Variants in ROBO2 observed in about 807,000 individuals in gnomAD.
The protein encoded by ROBO2 is roundabout guidance receptor 2.
Under a neutral mutation model 160.8 loss-of-function variants are expected in ROBO2, and 53 were observed. The ratio of observed to expected loss-of-function variants is 0.33; its 90% CI spans 0.26 to 0.41. ROBO2 has a LOEUF of 0.41. Ranked by LOEUF, ROBO2 falls within the 10% of genes least tolerant of loss-of-function variation. ROBO2 has a pLI of 1.00. For missense variants in ROBO2, 1,577 were observed against 1,722.4 expected, an observed-to-expected ratio of 0.92 and a Z score of 1.49; for synonymous variants, 664 against 611.7, an observed-to-expected ratio of 1.09 and a Z score of -1.26.
rs1305437563 is a variant in ROBO2, at chr3:76,487,154, T to C, written c.109+549552T>C. ...CTGGCTAATTTTTTAATTTAATTTTTTTTTTTTGTAGAGACAGTGTCTCTC... is the reference window on the plus strand; with the variant it reads ...CTGGCTAATTTTTTAATTTAATTTTCTTTTTTTGTAGAGACAGTGTCTCTC... On this transcript the variant is annotated intron_variant, in intron 2 of 26. Transcript: ENST00000487694. Among the ~76,000 whole-genome samples the C allele has an allele frequency of 2.0e-5, 3 of 151,698 alleles. No individual in the cohort carries two copies. The South Asian group carries it at 6.3e-4, about 32-fold the overall frequency.
intron 1 of ROBO2, among the ~76,000 whole-genome samples, chr3:77,089,639 A>C (rs2069850765): frequency 6.6e-6 from 1 of 152,204 alleles, no homozygotes; most frequent in African/African-American, 2.4e-5. Flanking sequence ...TAATCTTATA[A>C]ATTTATTTAG....
In ROBO2 at chr3:77,491,485, A is replaced by G. The variant is rs181626089; in HGVS notation, c.668-1759A>G. Among the ~76,000 whole-genome samples, 22 of 152,304 alleles carry G rather than the reference A, an allele frequency of 1.4e-4. No individual in the cohort carries two copies. In the East Asian group the frequency reaches 4.3e-3, roughly 29 times the overall value. On this transcript the variant is annotated intron_variant, in intron 4 of 25. Transcript: ENST00000461745. The stretch of plus-strand genomic sequence containing the variant: ...TTTACTATTAGCATTTGGGACCCTC[A>G]TAAGGATATATTAATCCTATTGCCT...
intron 2 of ROBO2, among the ~76,000 whole-genome samples, chr3:76,406,997 G>GT (rs62802963): frequency 0.28 from 34,986 of 123,176 alleles, 4,868 homozygotes; most frequent in East Asian, 0.41. Context: ...ACCCTGAGTT[G>GT]TTTTTTTTTT....
intron 2 of ROBO2, among the ~76,000 whole-genome samples, chr3:76,359,654 G>A (rs2075387534): frequency 6.6e-6 from 1 of 151,844 alleles, no homozygotes; most frequent in Non-Finnish European, 1.5e-5. Context: ...TATCTTTCCT[G>A]TAATTCACTA....
intron 24 of ROBO2, among the ~76,000 whole-genome samples, chr3:77,641,624 A>C (rs981832392): frequency 3.3e-5 from 5 of 152,156 alleles, no homozygotes; most frequent in Non-Finnish European, 4.4e-5. Context: ...TTTATGAAAA[A>C]ATAATATAAT....
chr3:76,970,976 G>A (rs936861225), intron 2 of ROBO2, among the ~76,000 whole-genome samples: 3 of 152,164 alleles, frequency 2.0e-5, no homozygotes, highest in African/African-American at 7.2e-5. Flanking sequence ...AAGGAGCTTC[G>A]ATTAATATTA....
chr3:76,105,165 A>G (rs1027099112), intron 2 of ROBO2, among the ~76,000 whole-genome samples: 3 of 151,370 alleles, frequency 2.0e-5, no homozygotes, highest in African/African-American at 7.3e-5. Context: ...TGAAAAATCA[A>G]TTTTTTCAGC....
chr3:76,909,736 A>T (rs965837378), intron 2 of ROBO2, among the ~76,000 whole-genome samples: 3 of 152,164 alleles, frequency 2.0e-5, no homozygotes, highest in African/African-American at 7.2e-5. Flanking sequence ...ATAATTCTAG[A>T]TTGTTAAAAT....
At chr3:76,427,033 A>G (rs904756698) in intron 2 of ROBO2, among the ~76,000 whole-genome samples, 4 of 152,172 alleles carry the variant, frequency 2.6e-5, no homozygotes, top group African/African-American at 9.7e-5. Context: ...TGCCGTGCTA[A>G]CATATATTTT....
intron 19 of ROBO2, among the ~76,000 whole-genome samples, chr3:77,598,240 C>T (rs2094350627): frequency 6.6e-6 from 1 of 151,806 alleles, no homozygotes; most frequent in South Asian, 2.1e-4. Context: ...AGCATGTTCT[C>T]TTTAAGAATG....
intron 2 of ROBO2, among the ~76,000 whole-genome samples, chr3:76,282,301 A>C (rs879273813): frequency 1.3e-4 from 20 of 151,990 alleles, no homozygotes; most frequent in Non-Finnish European, 2.6e-4. Context: ...TGCTGTATAA[A>C]GTGTCAATCA....
chr3:76,708,686 G>T (rs1476690687), intron 2 of ROBO2, among the ~76,000 whole-genome samples: 1 of 152,166 alleles, frequency 6.6e-6, no homozygotes, highest in Non-Finnish European at 1.5e-5. Context: ...TGGGTAGACA[G>T]ATCTCCTGAA....
intron 2 of ROBO2, among the ~76,000 whole-genome samples, chr3:76,023,770 G>T (rs1323379391): frequency 3.3e-5 from 5 of 151,542 alleles, no homozygotes; most frequent in African/African-American, 1.2e-4. Context: ...GTGATCACAT[G>T]CTGTTGGAAA....
chr3:76,273,070 T>C lies in ROBO2; in HGVS notation c.109+335468T>C, dbSNP rs191893147. Among the ~76,000 whole-genome samples the C allele has an allele frequency of 2.4e-3, 254 of 105,638 alleles. 5 individuals are homozygous for C. The Admixed American group carries it at 0.029, about 12-fold the overall frequency. 69.3% of individuals were successfully genotyped at this position (105,638 alleles called of 152,430 possible). A position where few individuals can be genotyped will look rare whatever the true frequency, so the allele number is the denominator to read the frequency against. On this transcript the variant is annotated intron_variant, in intron 2 of 26. Coordinates refer to the ROBO2 transcript ENST00000487694. ...ATTATATAAATATATAAAAAATATATATAAATATAATATATATAAAATACA... is the reference window on the plus strand; with the variant it reads ...ATTATATAAATATATAAAAAATATACATAAATATAATATATATAAAATACA...
chr3:76,656,202 A>C (rs1839051), intron 2 of ROBO2, among the ~76,000 whole-genome samples: 127,248 of 151,804 alleles, frequency 0.84, 53,707 homozygotes, highest in African/African-American at 0.93. Context: ...CTCATTGACA[A>C]ATGACTGATG....
intron 2 of ROBO2, among the ~76,000 whole-genome samples, chr3:77,101,802 G>A (rs944988077): frequency 2.0e-5 from 3 of 152,168 alleles, no homozygotes; most frequent in East Asian, 3.9e-4. Flanking sequence ...CACTTTGGGA[G>A]GCCCAGGTGG....
chr3:75,924,687 T>TTTC (rs1553701799), intron 1 of ROBO2, among the ~76,000 whole-genome samples: 2 of 113,754 alleles, frequency 1.8e-5, no homozygotes, highest in African/African-American at 6.8e-5. Context: ...TTTTCTTTTT[T>TTTC]TTTTTTTTTT....
intron 2 of ROBO2, among the ~76,000 whole-genome samples, chr3:76,139,631 C>A (rs1447112450): frequency 3.9e-5 from 6 of 151,976 alleles, no homozygotes; most frequent in Non-Finnish European, 8.8e-5. Flanking sequence ...AGGGTGATGA[C>A]CTCTGTGGGT....
At chr3:76,147,889 T>A (rs990961913) in intron 2 of ROBO2, among the ~76,000 whole-genome samples, 1 of 152,048 alleles carries the variant, frequency 6.6e-6, no homozygotes, top group Non-Finnish European at 1.5e-5. Context: ...TTCACTGGTA[T>A]GTGTGACCTG....
Sources: allele counts gnomAD v4.1 joint callset (sites outside exome capture counted in the v4.1 genomes callset), GRCh38; gene constraint gnomAD v4.1.1; transcripts MANE v1.5; gene names NCBI Gene and HGNC (gene_info 2026-07-23, HGNC 2026-07-21).